ELOVL6: variants seen among roughly 807,000 people sequenced by gnomAD.
The protein encoded by ELOVL6 is very long chain fatty acid elongase 6.
In ELOVL6, 8 loss-of-function variants were observed where a neutral mutation model predicts 31.7. The ratio of observed to expected loss-of-function variants is 0.25; its 90% CI spans 0.15 to 0.45. The LOEUF (loss-of-function observed/expected upper bound fraction) is 0.45. Among genes scored for constraint, ELOVL6 ranks in the 20% least tolerant of loss-of-function variants. The pLI, the probability that ELOVL6 is intolerant of heterozygous loss-of-function variation, is 1.00. For synonymous variants in ELOVL6, 101 were observed against 117.7 expected (o/e 0.86, Z 0.92); for missense variants, 126 against 326.4 (o/e 0.39, Z 4.73).
intron 1 of ELOVL6, among the ~76,000 whole-genome samples, chr4:110,196,996 A>G (rs1759822142): frequency 6.6e-6 from 1 of 152,202 alleles, no homozygotes; most frequent in African/African-American, 2.4e-5. Flanking sequence ...CCGTGGCACC[A>G]GCTCCTACTG....
At position 110,046,361 on chromosome 4, in the gene ELOVL6, G is replaced by A. The variant is rs958612163; in HGVS notation, c.*4977C>T. On this transcript the variant is annotated 3_prime_UTR_variant, in exon 4 of 4. Transcript: ENST00000302274. ...AATGCAGTGTTGGTTTGGACGTCTA[G>A]TGAAATATATTTTACTGTGAGACTT... 1 of 152,170 alleles carries A rather than the reference G, an allele frequency of 6.6e-6. No individual in the cohort carries two copies. Among genetic ancestry groups the A allele is most frequent in the Non-Finnish European group, 1.5e-5 (1 of 68,050 alleles). 9.4% of individuals were successfully genotyped at this position (152,170 alleles called of 1,614,324 possible). A position where few individuals can be genotyped will look rare whatever the true frequency, so the allele number is the denominator to read the frequency against.
At chr4:110,139,893 C>A (rs1417547266) in intron 1 of ELOVL6, among the ~76,000 whole-genome samples, 1 of 152,108 alleles carries the variant, frequency 6.6e-6, no homozygotes, top group Non-Finnish European at 1.5e-5. Context: ...CCTATCTAAT[C>A]CCCTCCCTGG....
upstream of ELOVL6, chr4:110,198,740 G>C (rs1402223270): frequency 5.7e-6 from 1 of 173,916 alleles, no homozygotes; most frequent in Non-Finnish European, 1.2e-5. Flanking sequence ...CTCCGCCCGG[G>C]GGGGACAGTT....
intron 1 of ELOVL6, among the ~76,000 whole-genome samples, chr4:110,175,360 C>T (rs963400326): frequency 1.3e-5 from 2 of 151,548 alleles, no homozygotes; most frequent in Admixed American, 6.6e-5. Context: ...CCAGCCTGGG[C>T]AACAGAGCAA....
At chr4:110,105,955 T>C (rs925061616) in intron 1 of ELOVL6, among the ~76,000 whole-genome samples, 1 of 152,226 alleles carries the variant, frequency 6.6e-6, no homozygotes, top group African/African-American at 2.4e-5. Flanking sequence ...ATTTTATTCT[T>C]TAGAGTTTGT....
At chr4:110,115,419 A>C (rs1031860880) in intron 1 of ELOVL6, among the ~76,000 whole-genome samples, 2 of 152,138 alleles carry the variant, frequency 1.3e-5, no homozygotes, top group African/African-American at 2.4e-5. Flanking sequence ...TTACCCAAGA[A>C]AGAACTCTGA....
At chr4:110,054,827 C>T (rs1578441161) in intron 3 of ELOVL6, among the ~76,000 whole-genome samples, 1 of 152,112 alleles carries the variant, frequency 6.6e-6, no homozygotes, top group East Asian at 1.9e-4. Flanking sequence ...TTTCTAGTTA[C>T]TTTAGGGAGG....
rs1446931871 is a variant in ELOVL6 at position 110,047,855 on chromosome 4, A to G, written c.*3483T>C. Reference sequence around the variant, plus strand: ...CAGTGAGTCTAGATCGCGCCACTGCACTCCAGCCTGGGCAACAACAGCAAG... The same window carrying G: ...CAGTGAGTCTAGATCGCGCCACTGCGCTCCAGCCTGGGCAACAACAGCAAG... On this transcript the variant is annotated 3_prime_UTR_variant, in exon 4 of 4. Transcript: ENST00000302274. 3.7e-5 allele frequency: 5 copies of G among 134,928 alleles called. No homozygotes were observed. Among genetic ancestry groups the G allele is most frequent in the Admixed American group, 8.9e-5 (1 of 11,298 alleles). The allele number at this position is 134,928 out of a possible 1,614,324, so 8.4% of individuals were successfully genotyped here. A position where few individuals can be genotyped will look rare whatever the true frequency, so the allele number is the denominator to read the frequency against.
chr4:110,152,469 T>C (rs563294088), intron 1 of ELOVL6, among the ~76,000 whole-genome samples: 2 of 152,340 alleles, frequency 1.3e-5, no homozygotes, highest in South Asian at 4.1e-4. Context: ...GAACAAAGGG[T>C]TCTCTCAGTC....
At chr4:110,192,619 C>G (rs536079456) in intron 1 of ELOVL6, among the ~76,000 whole-genome samples, 1 of 152,142 alleles carries the variant, frequency 6.6e-6, no homozygotes, top group African/African-American at 2.4e-5. Context: ...ATTAAGCTGG[C>G]TTTCATCCTT....
chr4:110,141,135 C>G (rs1030329569), intron 1 of ELOVL6, among the ~76,000 whole-genome samples: 1 of 152,126 alleles, frequency 6.6e-6, no homozygotes, highest in Non-Finnish European at 1.5e-5. Context: ...ACGATCTCAG[C>G]TCACCGCAAC....
intron 1 of ELOVL6, among the ~76,000 whole-genome samples, chr4:110,132,593 G>A (rs1300040702): frequency 2.0e-5 from 3 of 151,974 alleles, no homozygotes; most frequent in South Asian, 4.1e-4. Context: ...TTGGGAGGCC[G>A]AGGTAGACAG....
intron 1 of ELOVL6, among the ~76,000 whole-genome samples, chr4:110,170,914 A>G (rs1487679017): frequency 6.6e-6 from 1 of 151,856 alleles, no homozygotes; most frequent in Non-Finnish European, 1.5e-5. Flanking sequence ...AAAAAATGGA[A>G]TCTCTCTCTC....
At chr4:110,147,836 C>G (rs1276164102) in intron 1 of ELOVL6, among the ~76,000 whole-genome samples, 1 of 151,364 alleles carries the variant, frequency 6.6e-6, no homozygotes, top group East Asian at 2.0e-4. Context: ...CCAAAAAGGC[C>G]AGGCATGGTG....
intron 1 of ELOVL6, chr4:110,117,903 A>AAAAAAAAATATATATATATATAT: frequency 4.6e-4 from 3 of 6,492 alleles, no homozygotes; most frequent in Non-Finnish European, 7.5e-4. Context: ...AAAAAAAAAA[A>AAAAAAAAATATATATATATATAT]ATATATATAT....
In ELOVL6 at chr4:110,090,600, C is replaced by CTTTTTT. The variant is rs544234717; in HGVS notation, c.221+14891_221+14896dup. Among the ~76,000 whole-genome samples, 299 of 103,710 alleles carry CTTTTTT rather than the reference C, an allele frequency of 2.9e-3. 28 individuals carry two copies. The highest frequency in any genetic ancestry group is 9.9e-3 in the African/African-American group (232 of 23,384). 68.0% of individuals were successfully genotyped at this position (103,710 alleles called of 152,430 possible). A position where few individuals can be genotyped will look rare whatever the true frequency, so the allele number is the denominator to read the frequency against. ...GGAACTTACAGGAAAGTTTGACTTT[C>CTTTTTT]TTTTTTTTTTTTTTTTTTTTCATGA... is the stretch of plus-strand genomic sequence containing the variant. On this transcript the variant is annotated intron_variant, in intron 2 of 3. Transcript: ENST00000302274.
At chr4:110,151,253 A>G (rs2126265429) in intron 1 of ELOVL6, among the ~76,000 whole-genome samples, 1 of 151,818 alleles carries the variant, frequency 6.6e-6, no homozygotes, top group Non-Finnish European at 1.5e-5. Context: ...ATTTATATAT[A>G]CATAATGAGA....
chr4:110,140,853 T>C (rs28502533), intron 1 of ELOVL6, among the ~76,000 whole-genome samples: 4,138 of 152,020 alleles, frequency 0.027, 186 homozygotes, highest in African/African-American at 0.093. Context: ...TATTCTTTTA[T>C]TACTGTATTA....
chr4:110,127,580 AGTTTT>A (rs765164963), intron 1 of ELOVL6, among the ~76,000 whole-genome samples: 107,150 of 151,430 alleles, frequency 0.71, 38,069 homozygotes, highest in African/African-American at 0.77. Flanking sequence ...GTTATGAGTT[AGTTTT>A]CCAGGTGAAA....
Sources: allele counts gnomAD v4.1 joint callset (sites outside exome capture counted in the v4.1 genomes callset), GRCh38; gene constraint gnomAD v4.1.1; transcripts MANE v1.5; gene names NCBI Gene and HGNC (gene_info 2026-07-23, HGNC 2026-07-21).